Variants in DOK7 observed in about 807,000 individuals in gnomAD.
DOK7 encodes the protein protein Dok-7.
In DOK7, 32 loss-of-function variants were observed where a neutral mutation model predicts 30.7. The ratio of observed to expected loss-of-function variants is 1.04; its 90% CI spans 0.79 to 1.40. The LOEUF (loss-of-function observed/expected upper bound fraction) is 1.40. Among genes scored for constraint, DOK7 ranks in the 40% most tolerant of loss-of-function variants. DOK7 has a pLI of 0.00. For missense variants in DOK7, 1,007 were observed against 699.2 expected, an observed-to-expected ratio of 1.44 and a Z score of -4.97; for synonymous variants, 447 against 324.1, an observed-to-expected ratio of 1.38 and a Z score of -4.07.
intron 2 of DOK7, among the ~76,000 whole-genome samples, chr4:3,468,947 G>A (rs908968727): frequency 6.3e-5 from 8 of 127,298 alleles, no homozygotes; most frequent in East Asian, 4.2e-4. Flanking sequence ...TTTTGTGCAC[G>A]TGTGAGTGTG....
Position 3,500,125 on chromosome 4 carries a change from C to G in DOK7, c.1109-126C>G, listed in dbSNP as rs549673421. 2.3e-4 allele frequency: 281 copies of G among 1,202,490 alleles called. No individual in the cohort carries two copies. In the African/African-American group the frequency reaches 3.4e-3, roughly 15 times the overall value. 74.5% of individuals were successfully genotyped at this position (1,202,490 alleles called of 1,614,324 possible). On this transcript the variant is annotated intron_variant, in intron 6 of 7. Coordinates refer to the DOK7 transcript ENST00000643608. ...GTCAGGAACATGGAGCGGGAACTTC[C>G]AAGGTGCAGGAGAGGCGGAGTGGGG...
intron 4 of DOK7, among the ~76,000 whole-genome samples, chr4:3,479,343 T>C (rs748302240): frequency 5.9e-5 from 9 of 152,248 alleles, no homozygotes; most frequent in Non-Finnish European, 1.2e-4. Context: ...CAGAGGCTCC[T>C]GTTCACAGGC....
chr4:3,476,593 C>T (rs749463997), intron 4 of DOK7, 51 bp downstream of exon 4: 1 of 1,609,656 alleles, frequency 6.2e-7, no homozygotes, highest in Non-Finnish European at 8.5e-7. Flanking sequence ...CCCCCACTTC[C>T]CCTGAGAACT....
chr4:3,478,865 G>T (rs1248413486), intron 4 of DOK7, among the ~76,000 whole-genome samples: 3 of 152,192 alleles, frequency 2.0e-5, no homozygotes, highest in Non-Finnish European at 2.9e-5. Context: ...CGGCCAAGCG[G>T]TGGTGTTCTC....
At chr4:3,500,166 G>A in intron 6 of DOK7, 2 of 1,460,406 alleles carry the variant, frequency 1.4e-6, no homozygotes, top group Non-Finnish European at 1.8e-6. Context: ...GGGCTAGGCA[G>A]GGTGGGCAGC....
Position 3,493,900 on chromosome 4 carries a change from G to A in DOK7, c.*399G>A, listed in dbSNP as rs774986829. On this transcript the variant is annotated 3_prime_UTR_variant, in exon 7 of 7. Transcript: ENST00000340083. Reference sequence around the variant, plus strand: ...CCTCACGCCCCCTTCGGGGGTGGCCGGTTCTCCCCATCACCTCTCTGGGGC... The same window carrying A: ...CCTCACGCCCCCTTCGGGGGTGGCCAGTTCTCCCCATCACCTCTCTGGGGC... The A allele has an allele frequency of 1.8e-5, 19 of 1,065,490 alleles. No homozygotes were observed. Among genetic ancestry groups the A allele is most frequent in the South Asian group, 3.6e-5 (1 of 27,636 alleles). 66.0% of individuals were successfully genotyped at this position (1,065,490 alleles called of 1,614,324 possible).
chr4:3,490,561 T>C (rs1331052947), intron 6 of DOK7, among the ~76,000 whole-genome samples: 3 of 64,816 alleles, frequency 4.6e-5, no homozygotes, highest in African/African-American at 2.3e-4. Flanking sequence ...CCCCTGCTCA[T>C]TCGTTTTTTC....
chr4:3,500,014 T>TCCTTCTG (rs1729113941), intron 6 of DOK7, among the ~76,000 whole-genome samples: 2 of 150,710 alleles, frequency 1.3e-5, no homozygotes, highest in Admixed American at 6.6e-5. Context: ...GGACAGCGCT[T>TCCTTCTG]CCTTCTGCTC....
intron 5 of DOK7, among the ~76,000 whole-genome samples, 181 bp from the exon 6 acceptor site, chr4:3,489,496 G>C (rs1728032208): frequency 6.6e-6 from 1 of 152,178 alleles, no homozygotes; most frequent in Admixed American, 6.5e-5. Flanking sequence ...GGATAGGGGT[G>C]GTGTGGGTGT....
Position 3,493,519 on chromosome 4 carries a change from C to T in DOK7, c.*18C>T. On this transcript the variant is annotated 3_prime_UTR_variant, in exon 7 of 7. Transcript: ENST00000340083. ...CTCCTTGAGAGCCGCAGATCCCGCC[C>T]CGCGGCTGCAAAGGGGCTGAATTTG... The T allele has an allele frequency of 1.2e-6, 2 of 1,608,608 alleles. No homozygotes were observed. Among genetic ancestry groups the T allele is most frequent in the Middle Eastern group, 1.7e-4 (1 of 5,958 alleles).
At chr4:3,497,569 G>A (rs748266482), downstream of DOK7, among the ~76,000 whole-genome samples, 1 of 152,176 alleles carries the variant, frequency 6.6e-6, no homozygotes, top group Non-Finnish European at 1.5e-5. Context: ...ATCAGGGCCA[G>A]TTCTGTGCCT....
chr4:3,500,471 C>T (rs1210741981), intron 7 of DOK7: 3 of 1,514,196 alleles, frequency 2.0e-6, no homozygotes, highest in Non-Finnish European at 2.6e-6. Flanking sequence ...GGGCCCTGAG[C>T]CCCCAGCCCC....
At chr4:3,497,956 A>G (rs1305815492), downstream of DOK7, among the ~76,000 whole-genome samples, 1 of 152,082 alleles carries the variant, frequency 6.6e-6, no homozygotes, top group Non-Finnish European at 1.5e-5. Flanking sequence ...TTTTACCCAG[A>G]CAGGGGTGCC....
intron 4 of DOK7, among the ~76,000 whole-genome samples, chr4:3,482,142 G>A (rs549627762): frequency 3.7e-4 from 57 of 152,238 alleles, no homozygotes; most frequent in African/African-American, 1.1e-3. Context: ...GATGTCTGAC[G>A]TGCCCTTTTC....
At chr4:3,472,765 G>A (rs1252672830) in intron 2 of DOK7, among the ~76,000 whole-genome samples, 1 of 152,234 alleles carries the variant, frequency 6.6e-6, no homozygotes, top group African/African-American at 2.4e-5. Flanking sequence ...GGTCCGGGAG[G>A]CAGAACGCAG....
rs936331607 is a variant in DOK7, at chr4:3,494,225, G to C, written c.*724G>C. Reference sequence around the variant, plus strand: ...CCTGGTGGGAGCTCTGCTGGCTCCTGTCTGAACCTCCTCGCAGGGCCAAAG... The same window carrying C: ...CCTGGTGGGAGCTCTGCTGGCTCCTCTCTGAACCTCCTCGCAGGGCCAAAG... On this transcript the variant is annotated 3_prime_UTR_variant, in exon 7 of 7. Coordinates refer to ENST00000340083, the MANE Select transcript of DOK7 (RefSeq NM_173660.5). 14 of 985,436 alleles carry C rather than the reference G, an allele frequency of 1.4e-5. No individual in the cohort carries two copies. The African/African-American group carries it at 2.1e-4, about 15-fold the overall frequency. 61.0% of individuals were successfully genotyped at this position (985,436 alleles called of 1,614,324 possible).
rs73792102 is a variant in DOK7 at position 3,470,412 on chromosome 4, C to T, written c.101-2994C>T. ...CTGTAAGTGCTCCTGGATTTTCAGG[C>T]GTTCCCAAGGTGCAGGATGTGAGTC... On this transcript the variant is annotated intron_variant, in intron 2 of 6. Coordinates refer to ENST00000340083, the MANE Select transcript of DOK7 (RefSeq NM_173660.5). 9.3e-3 allele frequency among the ~76,000 whole-genome samples: 1,414 copies of T among 152,326 alleles called. 24 individuals carry two copies. The highest frequency in any genetic ancestry group is 0.032 in the African/African-American group (1,332 of 41,578).
rs553131629 is a variant in DOK7, at chr4:3,468,852, C to T, written c.101-4554C>T. Among the ~76,000 whole-genome samples the T allele has an allele frequency of 1.2e-4, 16 of 128,966 alleles. No individual in the cohort carries two copies. In the South Asian group the frequency reaches 1.6e-3, roughly 13 times the overall value. 84.6% of individuals were successfully genotyped at this position (128,966 alleles called of 152,430 possible). The stretch of plus-strand genomic sequence containing the variant: ...GTGTGTGTGTGCGTGTATGTGTGTG[C>T]GCGTATGAGTGTGCATGCCTGTGTA... On this transcript the variant is annotated intron_variant, in intron 2 of 6. Transcript: ENST00000340083.
At chr4:3,490,644 C>CATTTCCCT (rs1728286869) in intron 6 of DOK7, among the ~76,000 whole-genome samples, 1 of 44,624 alleles carries the variant, frequency 2.2e-5, no homozygotes, top group African/African-American at 1.5e-4. Flanking sequence ...CCTGCTCGTT[C>CATTTCCCT]ATTTCCCTCC....
Sources: gnomAD v4.1 joint callset for allele counts (sites outside exome capture counted in the v4.1 genomes callset) on GRCh38, gnomAD v4.1.1 for gene constraint, MANE v1.5 for transcripts, NCBI Gene and HGNC (gene_info 2026-07-23, HGNC 2026-07-21) for gene names.